SCAPER: variants seen among roughly 807,000 people sequenced by gnomAD.
SCAPER encodes the protein S phase cyclin A-associated protein in the endoplasmic reticulum.
A neutral mutation model predicts 182.2 loss-of-function variants in SCAPER; 98 were observed. The observed-to-expected ratio is 0.54, with a 90% CI of 0.46 to 0.64. The LOEUF is 0.64. Among genes scored for constraint, SCAPER ranks in the 30% least tolerant of loss-of-function variants. The pLI is 0.00. For synonymous variants in SCAPER, 605 were observed against 564.6 expected (o/e 1.07, Z -1.01); for missense variants, 1,432 against 1,690.0 (o/e 0.85, Z 2.68).
intron 1 of SCAPER, among the ~76,000 whole-genome samples, chr15:76,897,570 G>A (rs1202645260): frequency 6.6e-6 from 1 of 152,070 alleles, no homozygotes; most frequent in East Asian, 1.9e-4. Flanking sequence ...AGCTGGGTGT[G>A]GTGGTATGCA....
intron 2 of SCAPER, among the ~76,000 whole-genome samples, chr15:76,877,840 AT>A (rs1342680257): frequency 3.9e-5 from 6 of 152,248 alleles, no homozygotes; most frequent in Non-Finnish European, 8.8e-5. Context: ...CATCATTCAG[AT>A]AATGACAAAT....
At chr15:76,636,989 AAAAAC>A in intron 21 of SCAPER, among the ~76,000 whole-genome samples, 1 of 152,138 alleles carries the variant, frequency 6.6e-6, no homozygotes, top group South Asian at 2.1e-4. Flanking sequence ...TATTTTAAAA[AAAAAC>A]AGCTTTGAGA....
intron 2 of SCAPER, among the ~76,000 whole-genome samples, chr15:76,878,244 G>T (rs184350777): frequency 6.6e-6 from 1 of 151,540 alleles, no homozygotes. Context: ...TTACAGACAC[G>T]TGTGTTTCAT....
At position 76,889,014 on chromosome 15, in the gene SCAPER, G is replaced by A. The variant is rs571432539; in HGVS notation, c.-59-5138C>T. Among the ~76,000 whole-genome samples, 148 of 152,292 alleles carry A rather than the reference G, an allele frequency of 9.7e-4. 2 individuals carry two copies. The highest frequency in any genetic ancestry group is 3.5e-3 in the African/African-American group (145 of 41,556). On this transcript the variant is annotated intron_variant, in intron 1 of 31. Coordinates refer to ENST00000563290, the MANE Select transcript of SCAPER (RefSeq NM_020843.4). ...CCCTACAAGGCAGAAGAGAGTAGGGGCCAATATTCAACATTCTTAAAGAAA... is the reference window on the plus strand; with the variant it reads ...CCCTACAAGGCAGAAGAGAGTAGGGACCAATATTCAACATTCTTAAAGAAA...
intron 23 of SCAPER, among the ~76,000 whole-genome samples, chr15:76,549,038 T>C (rs2045531853): frequency 6.6e-6 from 1 of 152,178 alleles, no homozygotes; most frequent in African/African-American, 2.4e-5. Flanking sequence ...ATTTTTGCAA[T>C]CTACTCATCT....
At chr15:76,767,223 C>T in intron 10 of SCAPER, 135 bp from the exon 11 acceptor site, 1 of 832,714 alleles carries the variant, frequency 1.2e-6, no homozygotes, top group Non-Finnish European at 1.8e-6. Context: ...GCTGGGGTTC[C>T]ATACAGGCTC....
intron 24 of SCAPER, among the ~76,000 whole-genome samples, chr15:76,474,748 A>T (rs2050487011): frequency 1.3e-5 from 2 of 152,214 alleles, no homozygotes; most frequent in Non-Finnish European, 2.9e-5. Context: ...TGAATAAGGT[A>T]TAAATAATAT....
chr15:76,828,979 T>C (rs192341403), intron 5 of SCAPER, among the ~76,000 whole-genome samples: 102 of 152,352 alleles, frequency 6.7e-4, no homozygotes, highest in African/African-American at 2.3e-3. Context: ...AACGAAGTCC[T>C]TGTATGATAA....
At chr15:76,432,315 C>T (rs555655263) in intron 26 of SCAPER, among the ~76,000 whole-genome samples, 2 of 152,212 alleles carry the variant, frequency 1.3e-5, no homozygotes, top group Non-Finnish European at 2.9e-5. Flanking sequence ...GCCCAAAGGG[C>T]CTGGTGCTCT....
rs116548034 is a variant in SCAPER, at chr15:76,416,710, G to A, written c.3312-12031C>T. ...ATCATAAGAAAATAATCAATTGTAT[G>A]AAAATAGAAAAACAAAAGGAAAAGA... On this transcript the variant is annotated intron_variant, in intron 26 of 31. Coordinates refer to ENST00000563290, the MANE Select transcript of SCAPER (RefSeq NM_020843.4). 2.7e-3 allele frequency among the ~76,000 whole-genome samples: 408 copies of A among 152,092 alleles called. 1 individual carries two copies. Among genetic ancestry groups the A allele is most frequent in the African/African-American group, 9.4e-3 (390 of 41,472 alleles).
chr15:76,721,804 T>C (rs1283333711), intron 17 of SCAPER, among the ~76,000 whole-genome samples: 1 of 152,206 alleles, frequency 6.6e-6, no homozygotes, highest in Non-Finnish European at 1.5e-5. Flanking sequence ...TGAAGTTGCT[T>C]ATCAGCTTAA....
intron 26 of SCAPER, among the ~76,000 whole-genome samples, chr15:76,413,925 G>A (rs560577386): frequency 9.2e-5 from 14 of 152,164 alleles, no homozygotes; most frequent in Non-Finnish European, 1.5e-4. Context: ...TGAAACTGTG[G>A]GCTAACTTGT....
chr15:76,417,851 C>G (rs2045760520), intron 26 of SCAPER, among the ~76,000 whole-genome samples: 1 of 152,116 alleles, frequency 6.6e-6, no homozygotes. Context: ...AACCCTGCCT[C>G]TACTAAAAAT....
intron 24 of SCAPER, among the ~76,000 whole-genome samples, chr15:76,501,568 T>G (rs2041122082): frequency 2.0e-5 from 3 of 152,230 alleles, no homozygotes; most frequent in African/African-American, 7.2e-5. Flanking sequence ...ACTCTAGGTT[T>G]CAACAGGGTA....
At chr15:76,780,899 C>A (rs751011041) in intron 8 of SCAPER, among the ~76,000 whole-genome samples, 5 of 152,160 alleles carry the variant, frequency 3.3e-5, no homozygotes, top group Non-Finnish European at 5.9e-5. Context: ...CATCAAGGAT[C>A]AAAGGTAGAT....
rs549199597 is a variant in SCAPER at position 76,376,330 on chromosome 15, A to G, written c.3706-19T>C. The G allele has an allele frequency of 1.9e-5, 30 of 1,600,246 alleles. No individual in the cohort carries two copies. In the South Asian group the frequency reaches 3.1e-4, roughly 17 times the overall value. On this transcript the variant is annotated intron_variant, in intron 28 of 31. Coordinates refer to ENST00000563290, the MANE Select transcript of SCAPER (RefSeq NM_020843.4). ...CAATAGACTGACAAAGACAAGGAGC[A>G]GTTAGAAGCCCTCAGCCCAGGGAGA...
At chr15:76,874,542 G>A (rs1303048895) in intron 2 of SCAPER, among the ~76,000 whole-genome samples, 1 of 151,894 alleles carries the variant, frequency 6.6e-6, no homozygotes, top group Non-Finnish European at 1.5e-5. Context: ...ATATTCCTTG[G>A]CAAGAGGGAT....
chr15:76,840,174 T>C (rs1482336737), intron 5 of SCAPER, among the ~76,000 whole-genome samples: 1 of 152,106 alleles, frequency 6.6e-6, no homozygotes, highest in African/African-American at 2.4e-5. Flanking sequence ...TCCCACCACT[T>C]TGGAATGCTG....
chr15:76,895,164 T>C (rs148520512), intron 1 of SCAPER, among the ~76,000 whole-genome samples: 78 of 152,304 alleles, frequency 5.1e-4, no homozygotes, highest in African/African-American at 1.6e-3. Context: ...CAACAGCTTA[T>C]TGAAAGCATC....
Sources: allele counts gnomAD v4.1 joint callset (sites outside exome capture counted in the v4.1 genomes callset), GRCh38; gene constraint gnomAD v4.1.1; transcripts MANE v1.5; gene names NCBI Gene and HGNC (gene_info 2026-07-23, HGNC 2026-07-21).